Variants in SETD1B observed in about 807,000 individuals in gnomAD.
SETD1B encodes SET domain containing 1B, histone lysine methyltransferase.
SETD1B carries 7 observed loss-of-function variants against 148.0 expected under a neutral mutation model. The ratio of observed to expected loss-of-function variants is 0.05; its 90% confidence interval spans 0.03 to 0.09. The LOEUF is 0.09. Ranked by LOEUF, SETD1B falls within the 10% of genes least tolerant of loss-of-function variation. The pLI, the probability that SETD1B is intolerant of heterozygous loss-of-function variation, is 1.00. For missense variants in SETD1B, 2,155 were observed against 2,729.9 expected (o/e 0.79, Z 4.69); for synonymous variants, 1,361 against 1,186.5 (o/e 1.15, Z -3.02).
the SETD1B span, among the ~76,000 whole-genome samples, chr12:121,795,089 G>A: frequency 1.3e-5 from 2 of 151,968 alleles, no homozygotes; most frequent in Admixed American, 6.5e-5. Flanking sequence ...AGCAAGGCAC[G>A]GTCTGACCAC....
rs1337460733 is a variant in SETD1B at position 121,823,567 on chromosome 12, C to T, written c.4988C>T (p.Ser1663Leu). The T allele has an allele frequency of 4.4e-5, 69 of 1,551,008 alleles. No individual in the cohort carries two copies. The highest frequency in any genetic ancestry group is 5.8e-5 in the Non-Finnish European group (66 of 1,146,908). ...LVPPAGSPEL[S>L]PPQPLFRPRS... ...CCACCTGCGGGCTCGCCCGAACTCT[C>T]GCCACCCCAGCCCCTCTTCCGGCCC... Residue 1663 changes from serine to leucine, a missense_variant, in exon 12 of 17, where the codon TCG becomes TTG. Physicochemically the swap from Ser to Leu is moderately radical, Grantham distance 145. This residue lies in a region of SETD1B where 862 missense variants were observed against 873.8 expected (regional missense o/e 0.99). Coordinates refer to ENST00000604567, the MANE Select transcript of SETD1B (RefSeq NM_001353345.2).
Position 121,828,109 on chromosome 12 carries a change from TG to T in SETD1B, c.5727+40del, listed in dbSNP as rs774604441. On this transcript the variant is annotated intron_variant, in intron 16 of 16. Coordinates refer to ENST00000604567, the MANE Select transcript of SETD1B (RefSeq NM_001353345.2). ...GGGGGGTGGCCCCTGCCCCTGCTCC[TG>T]CCCCTGGCCCTGCTTCTGTGCCAGG... 4.5e-6 allele frequency: 7 copies of T among 1,546,944 alleles called. No individual in the cohort carries two copies. In the African/African-American group the frequency reaches 9.6e-5, roughly 21 times the overall value.
At chr12:121,792,708 G>A in the SETD1B span, among the ~76,000 whole-genome samples, 2 of 152,220 alleles carry the variant, frequency 1.3e-5, no homozygotes, top group African/African-American at 4.8e-5. Flanking sequence ...GGAGCCACAG[G>A]CTGATCTGCA....
intron 4 of SETD1B, among the ~76,000 whole-genome samples, chr12:121,806,663 G>A (rs1469035475): frequency 6.6e-6 from 1 of 152,230 alleles, no homozygotes; most frequent in African/African-American, 2.4e-5. Flanking sequence ...CGCCGGGGAA[G>A]AGCAGAGCCG....
the SETD1B span, among the ~76,000 whole-genome samples, chr12:121,791,755 G>C: frequency 6.6e-6 from 1 of 152,244 alleles, no homozygotes; most frequent in Non-Finnish European, 1.5e-5. Context: ...GGACCTGATA[G>C]GGGAGGCCCT....
the SETD1B span, chr12:121,793,508 G>T: frequency 6.5e-6 from 10 of 1,542,732 alleles, no homozygotes; most frequent in Non-Finnish European, 7.8e-6. Flanking sequence ...CGGGGAAGGA[G>T]CCCTGGCTGT....
rs537510550 is a variant in SETD1B, at chr12:121,804,649, G to T, written c.-14-75G>T. 2 of 1,346,658 alleles carry T rather than the reference G, an allele frequency of 1.5e-6. No homozygotes were observed. Among genetic ancestry groups the T allele is most frequent in the South Asian group, 1.3e-5 (1 of 74,294 alleles). The allele number at this position is 1,346,658 out of a possible 1,614,324, so 83.4% of individuals were successfully genotyped here. On this transcript the variant is annotated intron_variant, in intron 1 of 16. Transcript: ENST00000604567. The surrounding 1 kb of genome is among the most constrained non-coding windows in gnomAD (Gnocchi z 4.6). ...GGAGGGGGTGGGGGCCTGCCGATTG[G>T]ATTCTTTCGCGTGTGTGTAGAAGCG...
At chr12:121,809,535 G>A (rs1875911863) in intron 5 of SETD1B, 68 bp from the exon 6 acceptor site, 1 of 1,458,024 alleles carries the variant, frequency 6.9e-7, no homozygotes, top group Non-Finnish European at 9.1e-7. Flanking sequence ...GCCAGAGTGA[G>A]AAGGGAAAAT....
intron 11 of SETD1B, among the ~76,000 whole-genome samples, chr12:121,821,808 G>A (rs572782332): frequency 6.6e-5 from 10 of 152,234 alleles, no homozygotes; most frequent in Admixed American, 2.0e-4. Flanking sequence ...TTCTGTGGTC[G>A]GGCATGGTGG....
rs1189848706 is a variant in SETD1B at position 121,804,238 on chromosome 12, G to C, written c.-15+5G>C. The C allele has an allele frequency of 6.8e-6, 1 of 147,862 alleles. No individual in the cohort carries two copies. The highest frequency in any genetic ancestry group is 1.5e-5 in the Non-Finnish European group (1 of 66,248). 9.2% of individuals were successfully genotyped at this position (147,862 alleles called of 1,614,324 possible). A position where few individuals can be genotyped will look rare whatever the true frequency, so the allele number is the denominator to read the frequency against. On this transcript the variant is annotated splice_donor_5th_base_variant and intron_variant, in intron 1 of 16. Transcript: ENST00000604567. This position sits in a 1 kb window ranked among gnomAD's most constrained non-coding sequence, Gnocchi z 4.6. ...AGGCCGGCGCCCGGCGGGGATGTAA[G>C]CGCGGCTCGGGGAGGGAGAGGCCGC...
At position 121,823,605 on chromosome 12, in the gene SETD1B, G is replaced by C; in HGVS notation, c.5026G>C (p.Glu1676Gln). 6.4e-7 allele frequency: 1 copy of C among 1,551,498 alleles called. No homozygotes were observed. Among genetic ancestry groups the C allele is most frequent in the Non-Finnish European group, 8.7e-7 (1 of 1,146,976 alleles). ...CCTCTTCCGGCCCCGCTCGGAGTTT[G>C]AGGAGATGACCATCCTGTATGACAT... ...QPLFRPRSEF[E>Q]EMTILYDIWN... Residue 1676 changes from glutamate to glutamine, a missense_variant, in exon 12 of 17, where the codon GAG (glutamate) becomes CAG (glutamine). Physicochemically the swap from Glu to Gln is conservative, Grantham distance 29. Transcript: ENST00000604567.
At chr12:121,826,621 G>A (rs1021535705) in intron 13 of SETD1B, among the ~76,000 whole-genome samples, 6 of 152,080 alleles carry the variant, frequency 3.9e-5, no homozygotes, top group Non-Finnish European at 8.8e-5. Context: ...GGGGTGACAG[G>A]CAGCAGAGGG....
chr12:121,803,282 T>C (rs1427172960), upstream of SETD1B: 2 of 151,070 alleles, frequency 1.3e-5, no homozygotes, highest in East Asian at 1.9e-4. The surrounding 1 kb of genome is among the most constrained non-coding windows in gnomAD (Gnocchi z 4.7). Context: ...AAAAGATAAA[T>C]GCAAAAAAGG....
chr12:121,823,219 G>C lies in SETD1B; in HGVS notation c.4640G>C (p.Arg1547Thr). The change falls in exon 12 of 17, where the codon AGG becomes ACG. Residue 1547 changes from arginine to threonine, a missense_variant. Coordinates refer to ENST00000604567, the MANE Select transcript of SETD1B (RefSeq NM_001353345.2). Reference sequence around the variant, plus strand: ...CCACCAGCAGGGGCCGCCCTTGGAAGGGAACTCCTGCTCCTGCCGGGCCAG... The same window carrying C: ...CCACCAGCAGGGGCCGCCCTTGGAACGGAACTCCTGCTCCTGCCGGGCCAG... Reference protein sequence around the residue: ...VRPPAGAALGRELLLLPGQPQ... With the variant: ...VRPPAGAALGTELLLLPGQPQ... 1 of 1,549,528 alleles carries C rather than the reference G, an allele frequency of 6.5e-7. No homozygotes were observed. The highest frequency in any genetic ancestry group is 8.7e-7 in the Non-Finnish European group (1 of 1,146,836).
chr12:121,823,327 C>A lies in SETD1B; in HGVS notation c.4748C>A (p.Pro1583Gln). ...CGGAACGCGGGGATCCCAGCCCCTCCACCACCCCTTCCCCCCCAGCCACCC... is the reference window on the plus strand; with the variant it reads ...CGGAACGCGGGGATCCCAGCCCCTCAACCACCCCTTCCCCCCCAGCCACCC... Reference protein sequence around the residue: ...DFRNAGIPAPPPPLPPQPPPP... With the variant: ...DFRNAGIPAPQPPLPPQPPPP... Residue 1583 changes from proline (P) to glutamine (Q), a missense_variant, in exon 12 of 17, where the codon CCA becomes CAA. This residue lies in a region of SETD1B where 862 missense variants were observed against 873.8 expected (regional missense o/e 0.99). Coordinates refer to ENST00000604567, the MANE Select transcript of SETD1B (RefSeq NM_001353345.2). 1 of 1,497,316 alleles carries A rather than the reference C, an allele frequency of 6.7e-7. No homozygotes were observed. Among genetic ancestry groups the A allele is most frequent in the Non-Finnish European group, 9.1e-7 (1 of 1,104,820 alleles). The allele number at this position is 1,497,316 out of a possible 1,614,324, so 92.8% of individuals were successfully genotyped here.
At position 121,804,968 on chromosome 12, in the gene SETD1B, C is replaced by T. The variant is rs1224287638; in HGVS notation, c.174+57C>T. 1 of 1,471,560 alleles carries T rather than the reference C, an allele frequency of 6.8e-7. No individual in the cohort carries two copies. The highest frequency in any genetic ancestry group is 1.4e-5 in the African/African-American group (1 of 70,452). The allele number at this position is 1,471,560 out of a possible 1,614,324, so 91.2% of individuals were successfully genotyped here. On this transcript the variant is annotated intron_variant, in intron 2 of 16. Coordinates refer to ENST00000604567, the MANE Select transcript of SETD1B (RefSeq NM_001353345.2). This position sits in a 1 kb window ranked among gnomAD's most constrained non-coding sequence, Gnocchi z 4.6. ...CCCGCGTCGTGTCCGGGGAGACGCGCCTAGCGGCCAGGGACCCCCCGCCCG... is the reference window on the plus strand; with the variant it reads ...CCCGCGTCGTGTCCGGGGAGACGCGTCTAGCGGCCAGGGACCCCCCGCCCG...
intron 5 of SETD1B, among the ~76,000 whole-genome samples, chr12:121,809,201 A>C (rs888247240): frequency 6.6e-6 from 1 of 152,124 alleles, no homozygotes; most frequent in African/African-American, 2.4e-5. Flanking sequence ...ATCCTAAAGC[A>C]CTGGGTGACT....
chr12:121,798,374 G>A, the SETD1B span, among the ~76,000 whole-genome samples: 3 of 152,334 alleles, frequency 2.0e-5, no homozygotes, highest in East Asian at 3.9e-4. Context: ...GCAGGGACAC[G>A]TGCTTCAGCA....
At position 121,823,610 on chromosome 12, in the gene SETD1B, G is replaced by T; in HGVS notation, c.5031G>T (p.Glu1677Asp). ...TCCGGCCCCGCTCGGAGTTTGAGGA[G>T]ATGACCATCCTGTATGACATCTGGA... is the stretch of plus-strand genomic sequence containing the variant. ...PLFRPRSEFEEMTILYDIWNG... is the reference protein window; with the variant it reads ...PLFRPRSEFEDMTILYDIWNG... The change falls in exon 12 of 17, where the codon GAG (glutamate) becomes GAT (aspartate). Residue 1677 changes from glutamate to aspartate, a missense_variant. Glu to Asp is a conservative substitution (Grantham distance 45). This residue lies in a region of SETD1B where 862 missense variants were observed against 873.8 expected (regional missense o/e 0.99). Transcript: ENST00000604567. 2 of 1,551,554 alleles carry T rather than the reference G, an allele frequency of 1.3e-6. No homozygotes were observed. The highest frequency in any genetic ancestry group is 1.7e-6 in the Non-Finnish European group (2 of 1,146,988).
Sources: allele counts gnomAD v4.1 joint callset (sites outside exome capture counted in the v4.1 genomes callset), GRCh38; gene constraint gnomAD v4.1.1; regional missense constraint gnomAD v4.1.1; non-coding constraint Gnocchi (gnomAD v3.1); transcripts MANE v1.5; gene names NCBI Gene and HGNC (gene_info 2026-07-23, HGNC 2026-07-21).